The following CCDC73 variants were observed in gnomAD, a reference collection of about 807,000 sequenced individuals.
CCDC73 encodes coiled-coil domain containing 73.
CCDC73 carries 95 observed loss-of-function variants against 116.5 expected under a neutral mutation model. The ratio of observed to expected loss-of-function variants is 0.82; its 90% CI spans 0.69 to 0.97. The LOEUF (loss-of-function observed/expected upper bound fraction) is 0.97, where lower values mean the gene tolerates loss of function less well. Among genes scored for constraint, CCDC73 ranks in the 50% least tolerant of loss-of-function variants. The pLI is 0.00. For missense variants in CCDC73, 1,066 were observed against 1,206.8 expected (o/e 0.88, Z 1.73); for synonymous variants, 398 against 401.3 (o/e 0.99, Z 0.10).
chr11:32,784,874 T>C (rs899719279), intron 1 of CCDC73, among the ~76,000 whole-genome samples: 2 of 152,220 alleles, frequency 1.3e-5, no homozygotes, highest in African/African-American at 2.4e-5. Flanking sequence ...TAGTTTCTTA[T>C]AATGATAGAA....
intron 1 of CCDC73, among the ~76,000 whole-genome samples, chr11:32,768,691 TAC>T (rs1227389723): frequency 6.6e-6 from 1 of 152,112 alleles, no homozygotes; most frequent in Non-Finnish European, 1.5e-5. Context: ...TCTGGAAGAA[TAC>T]ACTTAGCCAG....
chr11:32,637,253 C>T (rs1244422870), intron 13 of CCDC73, among the ~76,000 whole-genome samples: 3 of 151,856 alleles, frequency 2.0e-5, no homozygotes, highest in African/African-American at 7.3e-5. Context: ...CCTTGTGATC[C>T]GCCCACCTCG....
chr11:32,689,791 C>T (rs568851424), intron 6 of CCDC73, among the ~76,000 whole-genome samples: 4 of 151,968 alleles, frequency 2.6e-5, no homozygotes, highest in Non-Finnish European at 5.9e-5. Flanking sequence ...GTCAGGAGAT[C>T]GAGACCATCC....
chr11:32,789,616 C>CA (rs11399601), intron 1 of CCDC73, among the ~76,000 whole-genome samples: 38,835 of 151,638 alleles, frequency 0.26, 5,975 homozygotes, highest in East Asian at 0.79. Flanking sequence ...TACAAAAAAA[C>CA]AAAAAAATTC....
the CCDC73 span, among the ~76,000 whole-genome samples, chr11:32,828,512 G>GAAA: frequency 2.0e-5 from 2 of 100,440 alleles, no homozygotes; most frequent in Non-Finnish European, 4.5e-5. Context: ...TCTGTCTCAA[G>GAAA]AAAAAAAAAA....
Position 32,635,828 on chromosome 11 carries a change from A to G in CCDC73, c.1053T>C (p.Ala351=), listed in dbSNP as rs1303163023. ...EKALGTWKRH[A]EELNGEINKI... ...TATTAATTTCTCCATTAAGTTCTTC[A>G]GCCTATTATAAAAAAGGAACCAGAA... Residue 351 remains alanine (A), a splice_region_variant and synonymous_variant, in exon 14 of 18, where the codon GCT becomes GCC. Transcript: ENST00000335185. The G allele has an allele frequency of 1.7e-6, 2 of 1,160,314 alleles. No homozygotes were observed. The highest frequency in any genetic ancestry group is 6.1e-5 in the East Asian group (2 of 32,816). 71.9% of individuals were successfully genotyped at this position (1,160,314 alleles called of 1,614,324 possible). A position where few individuals can be genotyped will look rare whatever the true frequency, so the allele number is the denominator to read the frequency against.
the CCDC73 span, among the ~76,000 whole-genome samples, chr11:32,815,182 A>T: frequency 6.6e-6 from 1 of 152,240 alleles, no homozygotes; most frequent in African/African-American, 2.4e-5. Context: ...ATTTTATAGC[A>T]TATGATTTAT....
chr11:32,648,162 C>G (rs1449761209), intron 12 of CCDC73, among the ~76,000 whole-genome samples: 1 of 152,258 alleles, frequency 6.6e-6, no homozygotes, highest in Non-Finnish European at 1.5e-5. Context: ...CAGCTGCATA[C>G]TGTACTTCTA....
intron 1 of CCDC73, among the ~76,000 whole-genome samples, chr11:32,778,066 C>T (rs950500005): frequency 2.6e-5 from 4 of 152,092 alleles, no homozygotes; most frequent in South Asian, 2.1e-4. Flanking sequence ...AACCATATTA[C>T]GTATCTGCTT....
chr11:32,718,738 C>T (rs935121289), intron 2 of CCDC73, among the ~76,000 whole-genome samples: 4 of 152,100 alleles, frequency 2.6e-5, no homozygotes, highest in African/African-American at 7.2e-5. Flanking sequence ...GGCAAGGGGA[C>T]CAAAAGTCAT....
chr11:32,671,045 C>A (rs1029036804), intron 9 of CCDC73, among the ~76,000 whole-genome samples: 3 of 152,134 alleles, frequency 2.0e-5, no homozygotes, highest in Non-Finnish European at 4.4e-5. Context: ...CTTTAAATAT[C>A]CTGAACTTTT....
At chr11:32,802,108 T>C in the CCDC73 span, among the ~76,000 whole-genome samples, 5 of 152,324 alleles carry the variant, frequency 3.3e-5, no homozygotes, top group African/African-American at 1.2e-4. Context: ...CAAATTTCAG[T>C]CACAGTAACA....
the CCDC73 span, among the ~76,000 whole-genome samples, chr11:32,820,029 A>T: frequency 6.6e-6 from 1 of 152,198 alleles, no homozygotes; most frequent in Non-Finnish European, 1.5e-5. Context: ...AAATATAAAT[A>T]TTGCTTTTGT....
At chr11:32,774,996 G>C (rs1393784711) in intron 1 of CCDC73, among the ~76,000 whole-genome samples, 3 of 152,024 alleles carry the variant, frequency 2.0e-5, no homozygotes. Flanking sequence ...TATCTATCTA[G>C]GCCTTAAATA....
chr11:32,737,273 G>GTATA (rs1554967584), intron 2 of CCDC73, among the ~76,000 whole-genome samples: 59 of 131,750 alleles, frequency 4.5e-4, no homozygotes, highest in Admixed American at 8.8e-4. Flanking sequence ...GTGTGTGTGT[G>GTATA]TATATACATG....
At chr11:32,817,074 C>A in the CCDC73 span, among the ~76,000 whole-genome samples, 1 of 152,184 alleles carries the variant, frequency 6.6e-6, no homozygotes. Context: ...CGTGAGCCAC[C>A]ACGCTCAGCC....
chr11:32,808,067 G>A, the CCDC73 span, among the ~76,000 whole-genome samples: 7 of 152,250 alleles, frequency 4.6e-5, no homozygotes, highest in East Asian at 1.4e-3. Flanking sequence ...TTTAAAACAT[G>A]ATTCCCAAAA....
intron 14 of CCDC73, among the ~76,000 whole-genome samples, chr11:32,628,423 T>TG (rs1590553905): frequency 1.3e-5 from 2 of 152,314 alleles, no homozygotes; most frequent in East Asian, 3.9e-4. Context: ...TTTAATCTGT[T>TG]GCTGGATATT....
chr11:32,786,705 T>C (rs1850632759), intron 1 of CCDC73, among the ~76,000 whole-genome samples: 3 of 151,814 alleles, frequency 2.0e-5, no homozygotes, highest in African/African-American at 7.2e-5. Flanking sequence ...GGCTTTTATG[T>C]CTTTGGAAGT....
Sources: gnomAD v4.1 joint callset for allele counts (sites outside exome capture counted in the v4.1 genomes callset) on GRCh38, gnomAD v4.1.1 for gene constraint, MANE v1.5 for transcripts, NCBI Gene and HGNC (gene_info 2026-07-23, HGNC 2026-07-21) for gene names.